The following XKR9 variants were observed in gnomAD, a reference collection of about 807,000 sequenced individuals.
The protein encoded by XKR9 is XK related 9.
Under a neutral mutation model 32.0 loss-of-function variants are expected in XKR9, and 32 were observed. The observed-to-expected ratio is 1.00, with a 90% confidence interval of 0.76 to 1.34. The LOEUF (loss-of-function observed/expected upper bound fraction) is 1.34. XKR9 is among the 40% of genes most tolerant of loss of function. XKR9 has a pLI of 0.00. For synonymous variants in XKR9, 168 were observed against 143.4 expected, an observed-to-expected ratio of 1.17 and a Z score of -1.22; for missense variants, 546 against 429.7, an observed-to-expected ratio of 1.27 and a Z score of -2.39.
chr8:71,017,673 C>A, the XKR9 span, among the ~76,000 whole-genome samples: 13 of 152,178 alleles, frequency 8.5e-5, no homozygotes, highest in African/African-American at 3.1e-4. Context: ...ACTCCTTATC[C>A]TTTGGAATTC....
the XKR9 span, among the ~76,000 whole-genome samples, chr8:70,916,200 A>G: frequency 1.3e-5 from 2 of 152,212 alleles, no homozygotes; most frequent in Non-Finnish European, 2.9e-5. Context: ...AAGGATATAT[A>G]AGCTTCTGCA....
the XKR9 span, among the ~76,000 whole-genome samples, chr8:70,908,074 A>G: frequency 1.3e-5 from 2 of 152,184 alleles, no homozygotes; most frequent in African/African-American, 2.4e-5. Context: ...TATTTTTTGT[A>G]TAAATGGATA....
At chr8:70,885,646 G>C in the XKR9 span, among the ~76,000 whole-genome samples, 3 of 151,954 alleles carry the variant, frequency 2.0e-5, no homozygotes, top group African/African-American at 7.3e-5. Context: ...ATCCAGGCTG[G>C]AGTGCAGTGG....
At chr8:70,862,212 T>C in the XKR9 span, among the ~76,000 whole-genome samples, 4 of 152,074 alleles carry the variant, frequency 2.6e-5, no homozygotes, top group African/African-American at 9.7e-5. Flanking sequence ...ATTAAAAAAT[T>C]TTTATTTTTA....
chr8:70,704,599 C>G (rs1563435674), intron 3 of XKR9, among the ~76,000 whole-genome samples: 2 of 152,206 alleles, frequency 1.3e-5, no homozygotes, highest in Admixed American at 6.5e-5. Flanking sequence ...CCACGGCATT[C>G]TGGCATTATT....
At chr8:70,939,536 A>G in the XKR9 span, among the ~76,000 whole-genome samples, 1 of 152,078 alleles carries the variant, frequency 6.6e-6, no homozygotes, top group African/African-American at 2.4e-5. Flanking sequence ...AAAATCCTGT[A>G]TCTTCAGTGC....
At chr8:70,791,998 C>T (rs891129660), downstream of XKR9, among the ~76,000 whole-genome samples, 9 of 151,854 alleles carry the variant, frequency 5.9e-5, no homozygotes, top group Admixed American at 2.0e-4. Context: ...TGAGGGAGTC[C>T]CTGTTTTCAC....
chr8:70,851,891 A>T, the XKR9 span, among the ~76,000 whole-genome samples: 3 of 152,224 alleles, frequency 2.0e-5, no homozygotes, highest in Non-Finnish European at 2.9e-5. Context: ...TTCATGACTA[A>T]AACACCAAAA....
At chr8:70,759,518 T>C (rs1302922264) in intron 2 of XKR9, among the ~76,000 whole-genome samples, 2 of 152,232 alleles carry the variant, frequency 1.3e-5, no homozygotes, top group East Asian at 3.8e-4. Flanking sequence ...GTCATTTTAA[T>C]ACAACAGTAA....
chr8:70,739,054 A>T (rs908839454), downstream of XKR9, among the ~76,000 whole-genome samples: 1 of 139,952 alleles, frequency 7.1e-6, no homozygotes, highest in Non-Finnish European at 1.6e-5. Flanking sequence ...TGATCTGTCT[A>T]ATGTTGACAA....
At chr8:71,060,032 A>G in the XKR9 span, among the ~76,000 whole-genome samples, 2 of 152,146 alleles carry the variant, frequency 1.3e-5, no homozygotes, top group Non-Finnish European at 2.9e-5. Context: ...CAGTTTCTCC[A>G]CATCTGAAGA....
At chr8:70,985,753 T>C in the XKR9 span, among the ~76,000 whole-genome samples, 2 of 152,070 alleles carry the variant, frequency 1.3e-5, no homozygotes, top group Non-Finnish European at 1.5e-5. Context: ...AGAACAAATA[T>C]GGTAAATTTT....
At chr8:70,749,543 G>T (rs78004568) in intron 2 of XKR9, among the ~76,000 whole-genome samples, 2,286 of 152,384 alleles carry the variant, frequency 0.015, 51 homozygotes, top group African/African-American at 0.052. Context: ...ATCTGTGCCA[G>T]TGCCTGGAGC....
chr8:70,910,307 T>C, the XKR9 span, among the ~76,000 whole-genome samples: 1 of 152,134 alleles, frequency 6.6e-6, no homozygotes, highest in African/African-American at 2.4e-5. Context: ...CAATTATATG[T>C]TGTTGTGGAC....
the XKR9 span, among the ~76,000 whole-genome samples, chr8:71,025,284 C>T: frequency 6.6e-6 from 1 of 152,242 alleles, no homozygotes; most frequent in Non-Finnish European, 1.5e-5. Flanking sequence ...AAGGACTGAC[C>T]CCCTAGTTCA....
At chr8:71,048,634 C>A in the XKR9 span, among the ~76,000 whole-genome samples, 1 of 152,122 alleles carries the variant, frequency 6.6e-6, no homozygotes, top group African/African-American at 2.4e-5. Context: ...ATGGTTCTGG[C>A]TTTTGGCCTG....
the XKR9 span, among the ~76,000 whole-genome samples, chr8:70,819,585 C>G: frequency 6.6e-6 from 1 of 152,154 alleles, no homozygotes. Flanking sequence ...CACTTAATAT[C>G]TCTGAGCCTC....
At chr8:71,015,261 C>G in the XKR9 span, among the ~76,000 whole-genome samples, 137 of 152,192 alleles carry the variant, frequency 9.0e-4, no homozygotes, top group Non-Finnish European at 1.7e-3. Context: ...TGTCAAAAAA[C>G]GTCTGTTTTT....
intron 4 of XKR9, among the ~76,000 whole-genome samples, chr8:70,727,023 A>G (rs943808157): frequency 1.3e-5 from 2 of 152,164 alleles, no homozygotes; most frequent in African/African-American, 4.8e-5. Context: ...ATTTTTCTTA[A>G]GTTAATAATA....
Sources: gnomAD v4.1 joint callset for allele counts (sites outside exome capture counted in the v4.1 genomes callset) on GRCh38, gnomAD v4.1.1 for gene constraint, MANE v1.5 for transcripts, NCBI Gene and HGNC (gene_info 2026-07-23, HGNC 2026-07-21) for gene names.